The following CHSY3 variants were observed in gnomAD, a reference collection of about 807,000 sequenced individuals.
CHSY3 encodes the protein N-acetylgalactosaminyl-proteoglycan 3-beta-glucuronosyltransferase 3.
CHSY3 carries 35 observed loss-of-function variants against 67.2 expected under a neutral mutation model. The observed-to-expected ratio is 0.52, with a 90% CI of 0.40 to 0.69. The LOEUF is 0.69. Ranked by LOEUF, CHSY3 falls within the 30% of genes least tolerant of loss-of-function variation. The pLI, the probability that CHSY3 is intolerant of heterozygous loss-of-function variation, is 0.00. For missense variants in CHSY3, 1,069 were observed against 1,138.5 expected (o/e 0.94, Z 0.88); for synonymous variants, 474 against 434.7 (o/e 1.09, Z -1.12).
chr5:130,124,039 C>CAAAAAAAA (rs11297427), intron 2 of CHSY3, among the ~76,000 whole-genome samples: 25 of 58,226 alleles, frequency 4.3e-4, no homozygotes, highest in African/African-American at 5.1e-4. Context: ...GACTCCATCT[C>CAAAAAAAA]AAAAAAAAAA....
intron 2 of CHSY3, among the ~76,000 whole-genome samples, chr5:129,969,028 G>T (rs1313767583): frequency 2.6e-5 from 4 of 151,776 alleles, no homozygotes; most frequent in Non-Finnish European, 4.4e-5. Context: ...AAATGCTTAT[G>T]ATTAATGGAT....
chr5:130,137,412 A>G (rs574633535), intron 2 of CHSY3, among the ~76,000 whole-genome samples: 3 of 152,238 alleles, frequency 2.0e-5, no homozygotes, highest in Non-Finnish European at 2.9e-5. Context: ...TTTTCAGTAT[A>G]TCTTCTTGGT....
chr5:130,176,561 C>G (rs930136473), intron 2 of CHSY3, among the ~76,000 whole-genome samples: 4 of 152,156 alleles, frequency 2.6e-5, no homozygotes, highest in Non-Finnish European at 5.9e-5. Context: ...TATTGCAGTA[C>G]TATTCACAAT....
At position 130,086,995 on chromosome 5, in the gene CHSY3, A is replaced by G. The variant is rs1013245403; in HGVS notation, c.1087-97234A>G. 3.5e-3 allele frequency among the ~76,000 whole-genome samples: 534 copies of G among 152,308 alleles called. 2 individuals are homozygous for G. The highest frequency in any genetic ancestry group is 0.012 in the African/African-American group (514 of 41,564). ...AAAATACTGGCAAACCGAATCCAGC[A>G]GCACATCAAAAAGCTTATCCACCAT... On this transcript the variant is annotated intron_variant, in intron 2 of 2. Coordinates refer to ENST00000305031, the MANE Select transcript of CHSY3 (RefSeq NM_175856.5).
At chr5:130,102,816 T>C (rs1267407184) in intron 2 of CHSY3, among the ~76,000 whole-genome samples, 1 of 152,098 alleles carries the variant, frequency 6.6e-6, no homozygotes, top group Non-Finnish European at 1.5e-5. Context: ...GTCCATGTTA[T>C]TTCAAAACTG....
chr5:130,070,729 A>G (rs1766033963), intron 2 of CHSY3, among the ~76,000 whole-genome samples: 1 of 152,050 alleles, frequency 6.6e-6, no homozygotes, highest in South Asian at 2.1e-4. Context: ...TACTACTTTG[A>G]TAAAATATAC....
chr5:129,962,371 T>C (rs1762356168), intron 2 of CHSY3, among the ~76,000 whole-genome samples: 1 of 151,976 alleles, frequency 6.6e-6, no homozygotes, highest in African/African-American at 2.4e-5. Context: ...ATATCTCCTT[T>C]AAATCCACTT....
At chr5:129,951,760 C>G (rs569578599) in intron 2 of CHSY3, among the ~76,000 whole-genome samples, 8 of 152,264 alleles carry the variant, frequency 5.3e-5, no homozygotes, top group Non-Finnish European at 8.8e-5. Flanking sequence ...AGATACTTGG[C>G]TTTGTAATTT....
chr5:130,119,625 G>T (rs1299632800), intron 2 of CHSY3, among the ~76,000 whole-genome samples: 2 of 151,912 alleles, frequency 1.3e-5, no homozygotes, highest in Admixed American at 1.3e-4. Flanking sequence ...CTTCATAGAG[G>T]TTCATTGCTT....
intron 2 of CHSY3, among the ~76,000 whole-genome samples, chr5:129,981,927 A>T (rs1763030582): frequency 6.6e-6 from 1 of 152,158 alleles, no homozygotes; most frequent in Non-Finnish European, 1.5e-5. Context: ...GAATTTCATC[A>T]AATGCTTTTT....
chr5:130,025,167 C>T (rs997098639), intron 2 of CHSY3, among the ~76,000 whole-genome samples: 1 of 152,074 alleles, frequency 6.6e-6, no homozygotes, highest in African/African-American at 2.4e-5. Flanking sequence ...GGCTGGTCAG[C>T]CCCTTAATTT....
At chr5:130,054,200 T>C (rs1161527940) in intron 2 of CHSY3, among the ~76,000 whole-genome samples, 1 of 152,218 alleles carries the variant, frequency 6.6e-6, no homozygotes, top group Non-Finnish European at 1.5e-5. Context: ...GTGCCCATTC[T>C]CTTATTCAGC....
chr5:130,151,476 A>C (rs1041406823), intron 2 of CHSY3, among the ~76,000 whole-genome samples: 3 of 152,206 alleles, frequency 2.0e-5, no homozygotes, highest in Non-Finnish European at 2.9e-5. Context: ...ACTGTGTGCC[A>C]GGTGCTAATC....
intron 2 of CHSY3, among the ~76,000 whole-genome samples, chr5:130,057,698 G>A (rs77887904): frequency 0.11 from 16,991 of 152,088 alleles, 1,217 homozygotes; most frequent in Middle Eastern, 0.26. Flanking sequence ...TATAATTTTT[G>A]GCTTGCTTTC....
chr5:130,145,396 C>CAGA (rs1769044041), intron 2 of CHSY3, among the ~76,000 whole-genome samples: 1 of 152,248 alleles, frequency 6.6e-6, no homozygotes, highest in African/African-American at 2.4e-5. Context: ...TATCCACATG[C>CAGA]AGAAGAATGA....
intron 2 of CHSY3, among the ~76,000 whole-genome samples, chr5:130,042,524 A>G (rs751872642): frequency 1.3e-5 from 2 of 152,262 alleles, no homozygotes; most frequent in South Asian, 4.1e-4. Flanking sequence ...TTTATTTGAT[A>G]GCAACCTGCA....
intron 2 of CHSY3, among the ~76,000 whole-genome samples, chr5:129,909,784 T>C (rs1348880831): frequency 6.6e-6 from 1 of 152,052 alleles, no homozygotes; most frequent in African/African-American, 2.4e-5. Context: ...TTTGTTTACA[T>C]GCTGTTATTG....
intron 2 of CHSY3, among the ~76,000 whole-genome samples, chr5:130,035,161 A>G (rs1196267705): frequency 6.6e-6 from 1 of 152,104 alleles, no homozygotes; most frequent in African/African-American, 2.4e-5. Context: ...AAGGCAAGGG[A>G]AGAAGCAGAA....
At chr5:130,077,043 C>T (rs1353939932) in intron 2 of CHSY3, among the ~76,000 whole-genome samples, 1 of 150,426 alleles carries the variant, frequency 6.6e-6, no homozygotes, top group African/African-American at 2.5e-5. Context: ...CACATGTATA[C>T]ATATGTAACT....
Sources: allele counts gnomAD v4.1 joint callset (sites outside exome capture counted in the v4.1 genomes callset), GRCh38; gene constraint gnomAD v4.1.1; transcripts MANE v1.5; gene names NCBI Gene and HGNC (gene_info 2026-07-23, HGNC 2026-07-21).